Variants in TAF4B observed in about 807,000 individuals in gnomAD.
TAF4B encodes the protein transcription initiation factor TFIID subunit 4B.
A neutral mutation model predicts 86.4 loss-of-function variants in TAF4B; 38 were observed. That is an observed-to-expected ratio of 0.44 (90% CI 0.34 to 0.58). TAF4B has a LOEUF of 0.58. Ranked by LOEUF, TAF4B falls within the 20% of genes least tolerant of loss-of-function variation. TAF4B has a pLI of 0.02. For missense variants in TAF4B, 988 were observed against 1,027.6 expected, an observed-to-expected ratio of 0.96 and a Z score of 0.53; for synonymous variants, 388 against 391.2, an observed-to-expected ratio of 0.99 and a Z score of 0.10.
chr18:26,326,034 CA>C (rs2057001453), intron 11 of TAF4B, among the ~76,000 whole-genome samples: 1 of 152,138 alleles, frequency 6.6e-6, no homozygotes, highest in Admixed American at 6.5e-5. Context: ...TCATGATTTC[CA>C]GGCCAGGCAC....
intron 12 of TAF4B, among the ~76,000 whole-genome samples, chr18:26,333,574 A>G (rs2057068294): frequency 6.6e-6 from 1 of 152,058 alleles, no homozygotes; most frequent in Non-Finnish European, 1.5e-5. Context: ...AATTTTTAGT[A>G]GAAATGGGGT....
chr18:26,354,000 T>A (rs1035900443), intron 13 of TAF4B, among the ~76,000 whole-genome samples: 1 of 152,202 alleles, frequency 6.6e-6, no homozygotes, highest in Admixed American at 6.5e-5. Flanking sequence ...TTAATTTTTT[T>A]ATAAGGTGTG....
Position 26,315,296 on chromosome 18 carries a change from A to G in TAF4B, c.1900A>G (p.Ile634Val). The G allele has an allele frequency of 1.2e-6, 2 of 1,613,652 alleles. No homozygotes were observed. The highest frequency in any genetic ancestry group is 1.1e-5 in the South Asian group (1 of 91,048). The change falls in exon 10 of 15, where the codon ATC becomes GTC. Residue 634 changes from isoleucine to valine, a missense_variant. Physicochemically the swap from Ile to Val is conservative, Grantham distance 29. Transcript: ENST00000269142. Reference sequence around the variant, plus strand: ...CAACCTTAATGAAGAAAATGCCTGCATCTTAGCAACAAACTCTGAATTGGT... The same window carrying G: ...CAACCTTAATGAAGAAAATGCCTGCGTCTTAGCAACAAACTCTGAATTGGT... ...GVNLNEENAC[I>V]LATNSELVGT...
intron 3 of TAF4B, among the ~76,000 whole-genome samples, chr18:26,272,890 C>CTCTA (rs76306855): frequency 0.48 from 72,648 of 151,564 alleles, 20,208 homozygotes; most frequent in East Asian, 0.82. Context: ...GCATTTGAGG[C>CTCTA]TCTATATTTA....
At chr18:26,320,990 G>A (rs1037215809) in intron 10 of TAF4B, 80 bp from the exon 11 acceptor site, 1 of 1,557,134 alleles carries the variant, frequency 6.4e-7, no homozygotes, top group Non-Finnish European at 8.8e-7. Flanking sequence ...CTTCCAGGGG[G>A]AACAGAATAC....
At chr18:26,283,551 A>T (rs2056475385) in intron 6 of TAF4B, among the ~76,000 whole-genome samples, 1 of 152,080 alleles carries the variant, frequency 6.6e-6, no homozygotes, top group African/African-American at 2.4e-5. Context: ...GGCAGAGTAG[A>T]TTTAGCATAA....
At position 26,286,107 on chromosome 18, in the gene TAF4B, G is replaced by A; in HGVS notation, c.1198G>A (p.Ala400Thr). Residue 400 changes from alanine (A) to threonine (T), a missense_variant, in exon 7 of 15, where the codon GCT becomes ACT. Ala to Thr is a moderately conservative substitution (Grantham distance 58). This residue lies in a region of TAF4B where 747 missense variants were observed against 737.9 expected (regional missense o/e 1.01). Coordinates refer to ENST00000269142, the MANE Select transcript of TAF4B (RefSeq NM_005640.3). ...GTCAGTGCAAACTTTGAACCCACTTGCTGGTCCAGTGGGAGCAAAAGCTGG... is the reference window on the plus strand; with the variant it reads ...GTCAGTGCAAACTTTGAACCCACTTACTGGTCCAGTGGGAGCAAAAGCTGG... ...TVSVQTLNPL[A>T]GPVGAKAGVV... 2.5e-6 allele frequency: 4 copies of A among 1,614,230 alleles called. No individual in the cohort carries two copies. Among genetic ancestry groups the A allele is most frequent in the Non-Finnish European group, 3.4e-6 (4 of 1,180,040 alleles).
intron 7 of TAF4B, among the ~76,000 whole-genome samples, chr18:26,287,685 TG>T (rs2056541771): frequency 6.6e-6 from 1 of 152,242 alleles, no homozygotes; most frequent in Non-Finnish European, 1.5e-5. Context: ...TGTAATGCTT[TG>T]CATTAGACGC....
chr18:26,261,109 G>C (rs1422317085), intron 1 of TAF4B, among the ~76,000 whole-genome samples: 1 of 149,826 alleles, frequency 6.7e-6, no homozygotes, highest in Admixed American at 6.7e-5. Context: ...GTCTCCTTTT[G>C]CTACAATAAG....
At chr18:26,297,464 T>C (rs2056677877) in intron 9 of TAF4B, among the ~76,000 whole-genome samples, 2 of 152,178 alleles carry the variant, frequency 1.3e-5, no homozygotes, top group South Asian at 4.1e-4. Flanking sequence ...GCTGGACTCG[T>C]AGAGAATTAC....
chr18:26,285,225 T>TCC (rs2056503477), intron 6 of TAF4B, among the ~76,000 whole-genome samples: 2 of 125,146 alleles, frequency 1.6e-5, no homozygotes, highest in African/African-American at 5.3e-5. Context: ...TTTTTTTGTT[T>TCC]TTTTTTTTTT....
chr18:26,329,891 G>A (rs951885032), intron 12 of TAF4B, among the ~76,000 whole-genome samples: 6 of 151,854 alleles, frequency 4.0e-5, no homozygotes, highest in African/African-American at 1.5e-4. Context: ...TGCAGCCTTG[G>A]CCTCTTGGGC....
intron 13 of TAF4B, among the ~76,000 whole-genome samples, chr18:26,346,907 G>GTGTATATATATATATATATATATATATA (rs1171773933): frequency 8.9e-5 from 1 of 11,220 alleles, no homozygotes; most frequent in Non-Finnish European, 2.6e-4. Flanking sequence ...ATATGTGTGT[G>GTGTATATATATATATATATATATATATA]TATATATATA....
At chr18:26,227,410 T>A (rs2055594788) in intron 1 of TAF4B, 134 bp downstream of exon 1, 1 of 775,308 alleles carries the variant, frequency 1.3e-6, no homozygotes, top group Admixed American at 3.1e-5. Flanking sequence ...AGTTAACATA[T>A]TCTTTTTGTG....
At chr18:26,241,150 G>T (rs895085912) in intron 1 of TAF4B, among the ~76,000 whole-genome samples, 5 of 152,324 alleles carry the variant, frequency 3.3e-5, no homozygotes, top group Admixed American at 2.0e-4. Flanking sequence ...AATAGTTTCA[G>T]AAGGAATGGT....
chr18:26,276,376 C>T (rs1461757786), intron 5 of TAF4B, among the ~76,000 whole-genome samples: 1 of 152,124 alleles, frequency 6.6e-6, no homozygotes, highest in African/African-American at 2.4e-5. Context: ...ATGCTTAAGA[C>T]ATGCTGAGGA....
intron 14 of TAF4B, among the ~76,000 whole-genome samples, chr18:26,358,552 T>C (rs546402233): frequency 1.3e-5 from 2 of 152,062 alleles, no homozygotes; most frequent in East Asian, 3.9e-4. Context: ...CTACTAAAAA[T>C]ATAAAAAATT....
chr18:26,246,655 T>A (rs1456715990), intron 1 of TAF4B, among the ~76,000 whole-genome samples: 1 of 151,882 alleles, frequency 6.6e-6, no homozygotes, highest in Non-Finnish European at 1.5e-5. Flanking sequence ...TGCCTCAGCC[T>A]CCCAAGTAGC....
chr18:26,364,591 G>T lies in TAF4B; in HGVS notation c.2421+6797G>T, dbSNP rs185220722. Among the ~76,000 whole-genome samples the T allele has an allele frequency of 3.4e-3, 519 of 151,940 alleles. 6 individuals are homozygous for T. Among genetic ancestry groups the T allele is most frequent in the Admixed American group, 2.7e-3 (41 of 15,252 alleles). ...AGAAAGATTCTCTTTTCCCCCATTA[G>T]CTATACTTTCAAATATTTTGCATGC... is the stretch of plus-strand genomic sequence containing the variant. On this transcript the variant is annotated intron_variant, in intron 14 of 14. Coordinates refer to ENST00000269142, the MANE Select transcript of TAF4B (RefSeq NM_005640.3).
Sources: gnomAD v4.1 joint callset for allele counts (sites outside exome capture counted in the v4.1 genomes callset) on GRCh38, gnomAD v4.1.1 for gene constraint, gnomAD v4.1.1 regional missense constraint, MANE v1.5 for transcripts, NCBI Gene and HGNC (gene_info 2026-07-23, HGNC 2026-07-21) for gene names.